The following CACNA1E variants were observed in gnomAD, a reference collection of about 807,000 sequenced individuals.
The protein encoded by CACNA1E is voltage-dependent R-type calcium channel subunit alpha-1E.
A neutral mutation model predicts 259.2 loss-of-function variants in CACNA1E; 40 were observed. The ratio of observed to expected loss-of-function variants is 0.15; its 90% confidence interval spans 0.12 to 0.20. The LOEUF is 0.20. Among genes scored for constraint, CACNA1E ranks in the 10% least tolerant of loss-of-function variants. CACNA1E has a pLI of 1.00. For synonymous variants in CACNA1E, 1,104 were observed against 1,138.5 expected, an observed-to-expected ratio of 0.97 and a Z score of 0.61; for missense variants, 1,874 against 3,040.1, an observed-to-expected ratio of 0.62 and a Z score of 9.02.
chr1:181,462,698 G>A (rs1661900148), intron 2 of CACNA1E, among the ~76,000 whole-genome samples: 2 of 152,072 alleles, frequency 1.3e-5, no homozygotes, highest in Non-Finnish European at 2.9e-5. Flanking sequence ...TTTACTACAT[G>A]TGCATTTATG....
At position 181,737,480 on chromosome 1, in the gene CACNA1E, G is replaced by T. The variant is rs1254663626; in HGVS notation, c.3423-45G>T. ...GTGGGAGTGAGGAGTAAGGGCATGG[G>T]CGTGGTGGGGAGTGGGCCAGCTCAG... On this transcript the variant is annotated intron_variant, in intron 22 of 47. Coordinates refer to ENST00000367573, the MANE Select transcript of CACNA1E (RefSeq NM_001205293.3). The T allele has an allele frequency of 3.1e-6, 5 of 1,608,364 alleles. No homozygotes were observed. In the African/African-American group the frequency reaches 6.7e-5, roughly 21 times the overall value.
chr1:181,757,778 G>T (rs1265550574), intron 30 of CACNA1E, among the ~76,000 whole-genome samples, 169 bp from the exon 31 acceptor site: 2 of 152,068 alleles, frequency 1.3e-5, no homozygotes, highest in Admixed American at 6.5e-5. Flanking sequence ...CTCCTTTAAG[G>T]TGACGCCTTG....
chr1:181,790,593 C>T (rs1661217543), intron 44 of CACNA1E, 37 bp downstream of exon 44: 1 of 1,218,698 alleles, frequency 8.2e-7, no homozygotes. Context: ...AAACTACTTC[C>T]TTGGTTTCCT....
upstream of CACNA1E, among the ~76,000 whole-genome samples, chr1:181,482,073 G>A (rs1165133335): frequency 1.3e-5 from 2 of 152,242 alleles, no homozygotes; most frequent in Admixed American, 1.3e-4. Flanking sequence ...ACCACCAGCA[G>A]AGTGTGGAAC....
chr1:181,783,488 A>G (rs1660597613), intron 39 of CACNA1E, among the ~76,000 whole-genome samples, 191 bp from the exon 40 acceptor site: 2 of 152,158 alleles, frequency 1.3e-5, no homozygotes, highest in African/African-American at 4.8e-5. Flanking sequence ...TACAACAACA[A>G]CAACAACAAA....
intron 3 of CACNA1E, among the ~76,000 whole-genome samples, chr1:181,576,353 C>T (rs980818378): frequency 6.6e-6 from 1 of 152,204 alleles, no homozygotes; most frequent in African/African-American, 2.4e-5. Context: ...GGAAGGGTGC[C>T]AGCACATGAA....
chr1:181,336,430 G>A (rs1651713780), intron 1 of CACNA1E, among the ~76,000 whole-genome samples: 1 of 152,190 alleles, frequency 6.6e-6, no homozygotes, highest in Non-Finnish European at 1.5e-5. Context: ...GAAATGTTAA[G>A]TACCTTGTCT....
At chr1:181,491,188 A>ATCAGCGACCATTCCTT (rs1242786353) in intron 1 of CACNA1E, among the ~76,000 whole-genome samples, 2 of 152,180 alleles carry the variant, frequency 1.3e-5, no homozygotes, top group Non-Finnish European at 2.9e-5. Flanking sequence ...CTGCTTTTCT[A>ATCAGCGACCATTCCTT]TCAGCGACCA....
chr1:181,677,920 G>A (rs994143015), intron 7 of CACNA1E, among the ~76,000 whole-genome samples: 1 of 152,124 alleles, frequency 6.6e-6, no homozygotes, highest in African/African-American at 2.4e-5. Context: ...TGAGAGTGGT[G>A]GGAACATCAT....
At chr1:181,583,720 CCATTGTCA>C (rs992346188) in intron 6 of CACNA1E, among the ~76,000 whole-genome samples, 1 of 152,004 alleles carries the variant, frequency 6.6e-6, no homozygotes, top group African/African-American at 2.4e-5. Flanking sequence ...GGGAGGGTTC[CCATTGTCA>C]AGGCAACCTG....
intron 1 of CACNA1E, among the ~76,000 whole-genome samples, chr1:181,396,023 T>G (rs1471120302): frequency 6.6e-6 from 1 of 152,158 alleles, no homozygotes; most frequent in Non-Finnish European, 1.5e-5. Context: ...GGGTTGAAAT[T>G]AAGTTGTTAG....
At position 181,414,056 on chromosome 1, in the gene CACNA1E, C is replaced by T. The variant is rs981050531; in HGVS notation, c.434+476C>T. 1.7e-4 allele frequency among the ~76,000 whole-genome samples: 26 copies of T among 152,240 alleles called. 1 individual carries two copies. The highest frequency in any genetic ancestry group is 3.3e-4 in the Admixed American group (5 of 15,290). On this transcript the variant is annotated intron_variant, in intron 2 of 11. Coordinates refer to the CACNA1E transcript ENST00000524607. The stretch of plus-strand genomic sequence containing the variant: ...GTGGATGGAGGAAAATGTCCAAGAT[C>T]TGTGTGGCCACTCCTGGCTTTATTT...
At chr1:181,645,214 G>C (rs914057635) in intron 6 of CACNA1E, among the ~76,000 whole-genome samples, 1 of 152,154 alleles carries the variant, frequency 6.6e-6, no homozygotes, top group Admixed American at 6.5e-5. Flanking sequence ...CTAAAAGTTG[G>C]GATGATGTTA....
intron 6 of CACNA1E, among the ~76,000 whole-genome samples, chr1:181,650,410 G>A (rs147359700): frequency 6.8e-4 from 104 of 152,220 alleles, no homozygotes; most frequent in African/African-American, 2.3e-3. Flanking sequence ...GTGGAGTGGG[G>A]GTCGAAGGGA....
chr1:181,461,927 C>G (rs1445712893), intron 2 of CACNA1E, among the ~76,000 whole-genome samples: 1 of 152,032 alleles, frequency 6.6e-6, no homozygotes, highest in Non-Finnish European at 1.5e-5. Context: ...TTTCCCTACA[C>G]ACATACCTGT....
chr1:181,628,788 C>T (rs1377888841), intron 6 of CACNA1E, among the ~76,000 whole-genome samples: 1 of 152,286 alleles, frequency 6.6e-6, no homozygotes, highest in South Asian at 2.1e-4. Context: ...TTTTCTCCTT[C>T]ATTAACTTTC....
intron 7 of CACNA1E, among the ~76,000 whole-genome samples, chr1:181,684,334 GT>G (rs1227115679): frequency 6.6e-6 from 1 of 151,786 alleles, no homozygotes; most frequent in African/African-American, 2.4e-5. Flanking sequence ...GGCTTGTTTG[GT>G]TTTCACTGTT....
intron 1 of CACNA1E, among the ~76,000 whole-genome samples, chr1:181,373,272 T>C (rs538092742): frequency 4.1e-4 from 62 of 152,250 alleles, no homozygotes; most frequent in African/African-American, 1.4e-3. Flanking sequence ...TCCAGGGGTT[T>C]TTCTGGTTGG....
chr1:181,531,486 C>A lies in CACNA1E; in HGVS notation c.512+19976C>A, dbSNP rs1445604617. On this transcript the variant is annotated intron_variant, in intron 3 of 47. Transcript: ENST00000367573. Reference sequence around the variant, plus strand: ...ACTTGTGTATATATTCTTAGACCCACAATAGATGCCCAACAAATGCAAGAT... The same window carrying A: ...ACTTGTGTATATATTCTTAGACCCAAAATAGATGCCCAACAAATGCAAGAT... 2.6e-5 allele frequency among the ~76,000 whole-genome samples: 4 copies of A among 152,148 alleles called. No individual in the cohort carries two copies. The East Asian group carries it at 7.7e-4, about 29-fold the overall frequency.
Sources: allele counts gnomAD v4.1 joint callset (sites outside exome capture counted in the v4.1 genomes callset), GRCh38; gene constraint gnomAD v4.1.1; transcripts MANE v1.5; gene names NCBI Gene and HGNC (gene_info 2026-07-23, HGNC 2026-07-21).